VPS13D: variants seen among roughly 807,000 people sequenced by gnomAD.
VPS13D encodes intermembrane lipid transfer protein VPS13D.
In VPS13D, 187 loss-of-function variants were observed where a neutral mutation model predicts 461.9. The ratio of observed to expected loss-of-function variants is 0.40; its 90% CI spans 0.36 to 0.46. The LOEUF (loss-of-function observed/expected upper bound fraction) is 0.46. Ranked by LOEUF, VPS13D falls within the 20% of genes least tolerant of loss-of-function variation. The pLI is 0.60. For synonymous variants in VPS13D, 1,951 were observed against 1,986.3 expected, an observed-to-expected ratio of 0.98 and a Z score of 0.47; for missense variants, 4,711 against 5,364.9, an observed-to-expected ratio of 0.88 and a Z score of 3.81.
In VPS13D at chr1:12,304,595, C is replaced by T. The variant is rs2101473422; in HGVS notation, c.6306C>T (p.Ser2102=). Residue 2102 remains serine, a synonymous_variant, in exon 26 of 70, where the codon TCC becomes TCT. Coordinates refer to ENST00000620676, the MANE Select transcript of VPS13D (RefSeq NM_015378.4). ...CGGAGGAGCCCAGGGGAACCCATTCCCAGGGGCAGTTCACGATGCCTCTTG... is the reference window on the plus strand; with the variant it reads ...CGGAGGAGCCCAGGGGAACCCATTCTCAGGGGCAGTTCACGATGCCTCTTG... ...TSTEEPRGTH[S]QGQFTMPLAG... 6.2e-7 allele frequency: 1 copy of T among 1,614,104 alleles called. No individual in the cohort carries two copies. The highest frequency in any genetic ancestry group is 1.1e-5 in the South Asian group (1 of 91,080).
Position 12,506,977 on chromosome 1 carries a change from C to T in VPS13D, c.12919C>T (p.Leu4307Phe). Residue 4307 changes from leucine (L) to phenylalanine (F), a missense_variant, in exon 69 of 70, where the codon CTC (leucine) becomes TTC (phenylalanine). By Grantham distance (22) the Leu-to-Phe change is conservative. Transcript: ENST00000620676. ...AIFLEVKYDDLYHCLVSKDHG... is the reference protein window; with the variant it reads ...AIFLEVKYDDFYHCLVSKDHG... ...TTTCCTAGAAGTCAAATACGATGAC[C>T]TCTACCACTGCCTTGTCTCCAAAGA... 2 of 1,614,272 alleles carry T rather than the reference C, an allele frequency of 1.2e-6. No homozygotes were observed. Among genetic ancestry groups the T allele is most frequent in the Non-Finnish European group, 1.7e-6 (2 of 1,180,046 alleles).
At position 12,509,218 on chromosome 1, in the gene VPS13D, T is replaced by G; in HGVS notation, c.*194T>G. The G allele has an allele frequency of 1.6e-6, 1 of 633,790 alleles. No homozygotes were observed. 39.3% of individuals were successfully genotyped at this position (633,790 alleles called of 1,614,324 possible). ...TTAATTTGTGAGGCAGGGAGTTATT[T>G]TAGATTATGGGAAATAATTTTTAAA... On this transcript the variant is annotated 3_prime_UTR_variant, in exon 70 of 70. Transcript: ENST00000620676.
chr1:12,469,148 G>A (rs913693214), intron 67 of VPS13D, among the ~76,000 whole-genome samples: 3 of 152,020 alleles, frequency 2.0e-5, no homozygotes, highest in Non-Finnish European at 2.9e-5. Context: ...TGAGGAAACC[G>A]CTTTCTGATT....
At chr1:12,381,329 A>G (rs1644269183) in intron 57 of VPS13D, among the ~76,000 whole-genome samples, 1 of 152,214 alleles carries the variant, frequency 6.6e-6, no homozygotes. Context: ...TTTGCTTTTC[A>G]TGAGTCAATA....
At chr1:12,290,089 A>G (rs1418919538) in intron 22 of VPS13D, among the ~76,000 whole-genome samples, 1 of 152,202 alleles carries the variant, frequency 6.6e-6, no homozygotes, top group African/African-American at 2.4e-5. Flanking sequence ...GTATCCATAC[A>G]GTGTTAATAA....
intron 21 of VPS13D, among the ~76,000 whole-genome samples, chr1:12,284,525 A>G (rs564417051): frequency 6.6e-6 from 1 of 152,236 alleles, no homozygotes; most frequent in Non-Finnish European, 1.5e-5. Context: ...GCTCTGTGTG[A>G]TAGACCAGTA....
At chr1:12,400,960 GCGCACACACACACACACA>G (rs1371999871) in intron 61 of VPS13D, among the ~76,000 whole-genome samples, 10 of 131,030 alleles carry the variant, frequency 7.6e-5, no homozygotes, top group East Asian at 2.3e-4. Context: ...ACCTGCGCGC[GCGCACACACACACACACA>G]CACACACACA....
chr1:12,444,187 CTA>C (rs1645165488), intron 65 of VPS13D, among the ~76,000 whole-genome samples: 1 of 152,116 alleles, frequency 6.6e-6, no homozygotes, highest in Non-Finnish European at 1.5e-5. Context: ...GATATTTTTA[CTA>C]TGTTTATTCT....
chr1:12,401,854 GT>G, intron 62 of VPS13D, 150 bp downstream of exon 62: 1 of 616,274 alleles, frequency 1.6e-6, no homozygotes, highest in Non-Finnish European at 2.8e-6. Context: ...TTGTGTTTCA[GT>G]TGTGCTTTTT....
intron 24 of VPS13D, among the ~76,000 whole-genome samples, chr1:12,298,697 T>G (rs1315903109): frequency 6.6e-6 from 1 of 151,974 alleles, no homozygotes; most frequent in African/African-American, 2.4e-5. Context: ...ATTCTATAAA[T>G]GTTTAATTGA....
intron 62 of VPS13D, chr1:12,402,622 T>A (rs1644595479): frequency 6.6e-6 from 1 of 152,244 alleles, no homozygotes; most frequent in African/African-American, 2.4e-5. Context: ...TCCTGTCTGT[T>A]TAATGCTGTG....
chr1:12,487,650 C>T (rs959401423), intron 67 of VPS13D, among the ~76,000 whole-genome samples: 2 of 151,698 alleles, frequency 1.3e-5, no homozygotes, highest in African/African-American at 4.8e-5. Context: ...AAGCAGGTCC[C>T]CTCTGGGGGC....
At chr1:12,324,224 G>A (rs917095981) in intron 35 of VPS13D, among the ~76,000 whole-genome samples, 7 of 152,138 alleles carry the variant, frequency 4.6e-5, no homozygotes, top group Admixed American at 3.9e-4. Flanking sequence ...TTTGGGTTCT[G>A]AGGCCAGGTG....
In VPS13D at chr1:12,276,992, A is replaced by T; in HGVS notation, c.3404A>T (p.Asp1135Val). The T allele has an allele frequency of 6.2e-7, 1 of 1,614,172 alleles. No homozygotes were observed. Among genetic ancestry groups the T allele is most frequent in the Middle Eastern group, 1.6e-4 (1 of 6,062 alleles). The change falls in exon 19 of 70, where the codon GAT becomes GTT. Residue 1135 changes from aspartate (D) to valine (V), a missense_variant. Physicochemically the swap from Asp to Val is radical, Grantham distance 152 (BLOSUM62 -3). This residue lies in a region of VPS13D where 4,411 missense variants were observed against 4,937.8 expected (regional missense o/e 0.89). Coordinates refer to ENST00000620676, the MANE Select transcript of VPS13D (RefSeq NM_015378.4). The surrounding 1 kb of genome is among the most constrained non-coding windows in gnomAD (Gnocchi z 4.5). ...CAAAAATCCTTTCCCAAGGAAAAAGATGATTTAAGTCCTCAACCTTTAATG... is the reference window on the plus strand; with the variant it reads ...CAAAAATCCTTTCCCAAGGAAAAAGTTGATTTAAGTCCTCAACCTTTAATG... ...FLQKSFPKEK[D>V]DLSPQPLMTD...
At chr1:12,455,925 A>G in intron 65 of VPS13D, 73 bp from the exon 66 acceptor site, 2 of 1,494,898 alleles carry the variant, frequency 1.3e-6, no homozygotes, top group Non-Finnish European at 1.8e-6. Context: ...ATTTAAATTT[A>G]TTTAAAGTAA....
chr1:12,311,161 C>A (rs1642737958), intron 27 of VPS13D, among the ~76,000 whole-genome samples: 1 of 152,080 alleles, frequency 6.6e-6, no homozygotes, highest in African/African-American at 2.4e-5. Context: ...AGTGATCCTC[C>A]CACCTCAGCC....
chr1:12,319,427 C>G (rs1642973893), intron 31 of VPS13D, 70 bp from the exon 32 acceptor site: 1 of 1,595,824 alleles, frequency 6.3e-7, no homozygotes, highest in Non-Finnish European at 8.5e-7. Flanking sequence ...CGCTCGCTGC[C>G]TTGTTTGCAA....
At chr1:12,278,091 T>G in intron 19 of VPS13D, 53 bp downstream of exon 19, 1 of 1,527,748 alleles carries the variant, frequency 6.5e-7, no homozygotes, top group South Asian at 1.3e-5. Context: ...AAAACCCAGC[T>G]CACGGAGTCC....
chr1:12,396,951 T>A (rs984394751), intron 60 of VPS13D, among the ~76,000 whole-genome samples: 1 of 152,230 alleles, frequency 6.6e-6, no homozygotes, highest in African/African-American at 2.4e-5. Flanking sequence ...TTGTTTATTT[T>A]GAGATGGAGT....
Sources: gnomAD v4.1 joint callset for allele counts (sites outside exome capture counted in the v4.1 genomes callset) on GRCh38, gnomAD v4.1.1 for gene constraint, gnomAD v4.1.1 regional missense constraint, Gnocchi (gnomAD v3.1) non-coding constraint, MANE v1.5 for transcripts, NCBI Gene and HGNC (gene_info 2026-07-23, HGNC 2026-07-21) for gene names.